Variants in ZNF541 observed in about 807,000 individuals in gnomAD.
ZNF541 encodes zinc finger protein 541.
ZNF541 carries 23 observed loss-of-function variants against 123.5 expected under a neutral mutation model. The observed-to-expected ratio is 0.19, with a 90% confidence interval of 0.13 to 0.26. The LOEUF (loss-of-function observed/expected upper bound fraction) is 0.26, where lower values mean the gene tolerates loss of function less well. ZNF541 is among the 10% of genes least tolerant of loss of function. ZNF541 has a pLI of 1.00. For synonymous variants in ZNF541, 751 were observed against 754.5 expected (o/e 1.00, Z 0.08); for missense variants, 1,612 against 1,789.9 (o/e 0.90, Z 1.79).
chr19:47,535,575 G>A (rs1015385254), intron 9 of ZNF541, among the ~76,000 whole-genome samples: 6 of 152,156 alleles, frequency 3.9e-5, no homozygotes, highest in African/African-American at 1.4e-4. Flanking sequence ...GTTACCATAT[G>A]ACCCAGCACT....
At chr19:47,529,131 C>T in intron 13 of ZNF541, 93 bp from the exon 14 acceptor site, 1 of 910,072 alleles carries the variant, frequency 1.1e-6, no homozygotes, top group East Asian at 2.6e-5. Context: ...TTATAGCTGC[C>T]ATTACTGAGT....
intron 14 of ZNF541, among the ~76,000 whole-genome samples, chr19:47,524,508 C>G (rs1228930894): frequency 6.6e-6 from 1 of 151,578 alleles, no homozygotes; most frequent in Admixed American, 6.6e-5. Context: ...GAGTTTGAGA[C>G]CACCCTGGCC....
chr19:47,565,536 C>T (rs926299159), intron 2 of ZNF541, among the ~76,000 whole-genome samples: 1 of 152,056 alleles, frequency 6.6e-6, no homozygotes, highest in African/African-American at 2.4e-5. Flanking sequence ...GCTGGCATCA[C>T]GGTACAAATG....
chr19:47,549,660 G>A (rs184469011), intron 3 of ZNF541, among the ~76,000 whole-genome samples, 175 bp from the exon 4 acceptor site: 29 of 152,282 alleles, frequency 1.9e-4, no homozygotes, highest in African/African-American at 6.7e-4. Context: ...CAGAAGCCCT[G>A]CAGGATGGCA....
chr19:47,522,100 T>C, intron 14 of ZNF541, 106 bp from the exon 15 acceptor site: 1 of 1,426,328 alleles, frequency 7.0e-7, no homozygotes, highest in Non-Finnish European at 9.4e-7. Flanking sequence ...CGGAAGCACC[T>C]CTTCCTTTGG....
rs1409467728 is a variant in ZNF541, at chr19:47,544,690, G to A, written c.1839C>T (p.Ala613=). The A allele has an allele frequency of 2.6e-6, 4 of 1,521,514 alleles. No homozygotes were observed. Among genetic ancestry groups the A allele is most frequent in the Non-Finnish European group, 3.5e-6 (4 of 1,136,478 alleles). 94.3% of individuals were successfully genotyped at this position (1,521,514 alleles called of 1,614,324 possible). Residue 613 remains alanine, a synonymous_variant, in exon 5 of 17, where the codon GCC becomes GCT. Coordinates refer to ENST00000391901, the MANE Select transcript of ZNF541 (RefSeq NM_001277075.3). ...PLAPAVDSLH[A]GPGNPEAEGS... is the part of the protein sequence containing the mutation. ...CCTCTGCCTCGGGGTTTCCAGGGCC[G>A]GCGTGGAGAGAGTCCACAGCAGGAG...
At chr19:47,553,606 A>G (rs1426348770) in intron 3 of ZNF541, among the ~76,000 whole-genome samples, 1 of 151,954 alleles carries the variant, frequency 6.6e-6, no homozygotes, top group Non-Finnish European at 1.5e-5. Flanking sequence ...AGATTTCACT[A>G]TGTTAGCCAG....
intron 2 of ZNF541, among the ~76,000 whole-genome samples, chr19:47,566,983 G>A (rs1218575727): frequency 4.0e-5 from 6 of 151,780 alleles, no homozygotes; most frequent in Non-Finnish European, 5.9e-5. Flanking sequence ...CCCGGGAGGC[G>A]GAGCTTGCAG....
At chr19:47,531,979 C>T (rs1318280887) in intron 11 of ZNF541, 149 bp downstream of exon 11, 1 of 1,128,422 alleles carries the variant, frequency 8.9e-7, no homozygotes, top group Non-Finnish European at 1.2e-6. Context: ...AGGGAAGAAG[C>T]AACGCTGGCC....
At chr19:47,528,389 C>A (rs1321161910) in intron 14 of ZNF541, among the ~76,000 whole-genome samples, 2 of 151,134 alleles carry the variant, frequency 1.3e-5, no homozygotes, top group East Asian at 4.1e-4. Flanking sequence ...ACAATCCCCA[C>A]TCACTGCAAC....
chr19:47,523,930 GA>G (rs1250047666), intron 14 of ZNF541, among the ~76,000 whole-genome samples: 1 of 152,196 alleles, frequency 6.6e-6, no homozygotes, highest in Non-Finnish European at 1.5e-5. Context: ...ACATGCATGG[GA>G]AGAGACCAGC....
At chr19:47,543,976 G>A in intron 5 of ZNF541, 150 bp downstream of exon 5, 1 of 1,124,204 alleles carries the variant, frequency 8.9e-7, no homozygotes, top group South Asian at 1.7e-5. Context: ...TTTTTAGTGG[G>A]GAAAACCACA....
In ZNF541 at chr19:47,545,695, G is replaced by C; in HGVS notation, c.834C>G (p.Ile278Met). ...LLPHRDLLRRIVSSIVHQKTP... is the reference protein window; with the variant it reads ...LLPHRDLLRRMVSSIVHQKTP... ...TCTTCTGGTGGACGATGCTACTCAC[G>C]ATGCGGCGCAGGAGGTCCCGGTGGG... Residue 278 changes from isoleucine (I) to methionine (M), a missense_variant, in exon 5 of 17, where the codon ATC becomes ATG. Ile to Met is a conservative substitution (Grantham distance 10). Around this residue, in one of 5 missense-constraint regions of ZNF541, gnomAD observed 1,080 missense variants for 1,013.8 expected, o/e 1.07. Coordinates refer to ENST00000391901, the MANE Select transcript of ZNF541 (RefSeq NM_001277075.3). This position sits in a 1 kb window ranked among gnomAD's most constrained non-coding sequence, Gnocchi z 7.5. 6.5e-7 allele frequency: 1 copy of C among 1,548,104 alleles called. No homozygotes were observed. Among genetic ancestry groups the C allele is most frequent in the Non-Finnish European group, 8.7e-7 (1 of 1,146,780 alleles).
intron 2 of ZNF541, among the ~76,000 whole-genome samples, chr19:47,561,547 A>G (rs1971062151): frequency 6.6e-6 from 1 of 152,154 alleles, no homozygotes; most frequent in African/African-American, 2.4e-5. Context: ...GGGTGGGCAC[A>G]TGTTTGGAAA....
chr19:47,544,044 T>A (rs548031517), intron 5 of ZNF541, 82 bp downstream of exon 5: 92 of 1,422,720 alleles, frequency 6.5e-5, no homozygotes, highest in Non-Finnish European at 8.0e-5. Context: ...CTCTCTGAAA[T>A]GAAATAAAAT....
At chr19:47,524,762 G>A (rs1969207845) in intron 14 of ZNF541, among the ~76,000 whole-genome samples, 1 of 151,262 alleles carries the variant, frequency 6.6e-6, no homozygotes, top group Non-Finnish European at 1.5e-5. Flanking sequence ...GCACACACCT[G>A]TAGTCCCAGC....
chr19:47,562,232 G>C (rs569851196), intron 2 of ZNF541, among the ~76,000 whole-genome samples: 1 of 151,634 alleles, frequency 6.6e-6, no homozygotes, highest in Admixed American at 6.6e-5. Context: ...CTGGGCGACA[G>C]AGACTGTCTC....
intron 9 of ZNF541, among the ~76,000 whole-genome samples, chr19:47,535,702 A>C (rs1258966026): frequency 1.3e-5 from 2 of 151,306 alleles, no homozygotes; most frequent in Non-Finnish European, 2.9e-5. Context: ...AGGCCAATGC[A>C]GGAGGACTGT....
chr19:47,524,767 C>T (rs1969208291), intron 14 of ZNF541, among the ~76,000 whole-genome samples: 2 of 151,692 alleles, frequency 1.3e-5, no homozygotes, highest in South Asian at 4.2e-4. Context: ...CACCTGTAGT[C>T]CCAGCTACTC....
Sources: allele counts gnomAD v4.1 joint callset (sites outside exome capture counted in the v4.1 genomes callset), GRCh38; gene constraint gnomAD v4.1.1; regional missense constraint gnomAD v4.1.1; non-coding constraint Gnocchi (gnomAD v3.1); transcripts MANE v1.5; gene names NCBI Gene and HGNC (gene_info 2026-07-23, HGNC 2026-07-21).